SYNDIG1: variants seen among roughly 807,000 people sequenced by gnomAD.
SYNDIG1 encodes synapse differentiation inducing 1.
A neutral mutation model predicts 19.4 loss-of-function variants in SYNDIG1; 9 were observed. The observed-to-expected ratio is 0.46, with a 90% CI of 0.28 to 0.81. The LOEUF is 0.81. Among genes scored for constraint, SYNDIG1 ranks in the 30% least tolerant of loss-of-function variants. The pLI, the probability that SYNDIG1 is intolerant of heterozygous loss-of-function variation, is 0.12. For missense variants in SYNDIG1, 311 were observed against 343.3 expected, an observed-to-expected ratio of 0.91 and a Z score of 0.74; for synonymous variants, 141 against 145.9, an observed-to-expected ratio of 0.97 and a Z score of 0.24.
At chr20:24,645,030 G>A (rs1348448572) in intron 3 of SYNDIG1, among the ~76,000 whole-genome samples, 3 of 152,318 alleles carry the variant, frequency 2.0e-5, no homozygotes, top group Non-Finnish European at 4.4e-5. Context: ...GTTTGAAACC[G>A]GTCAGTCTGA....
intron 3 of SYNDIG1, among the ~76,000 whole-genome samples, chr20:24,661,353 G>GGGAAGAGGGACGAAA (rs2059585332): frequency 7.3e-6 from 1 of 136,314 alleles, no homozygotes; most frequent in African/African-American, 2.6e-5. Flanking sequence ...GAGGGAGAGA[G>GGGAAGAGGGACGAAA]GAGGGAGGGA....
intron 3 of SYNDIG1, 128 bp downstream of exon 3, chr20:24,585,121 T>C: frequency 2.4e-6 from 3 of 1,245,586 alleles, no homozygotes; most frequent in Non-Finnish European, 3.3e-6. Flanking sequence ...GGGTCGGCAC[T>C]TGCCCAGTTG....
At chr20:24,632,945 A>C (rs1237723781) in intron 3 of SYNDIG1, among the ~76,000 whole-genome samples, 1 of 151,724 alleles carries the variant, frequency 6.6e-6, no homozygotes, top group Non-Finnish European at 1.5e-5. Context: ...AGATTATGTG[A>C]AGTTTGTTTT....
intron 3 of SYNDIG1, among the ~76,000 whole-genome samples, chr20:24,586,742 C>T (rs989501678): frequency 6.6e-6 from 1 of 152,188 alleles, no homozygotes; most frequent in East Asian, 1.9e-4. Flanking sequence ...TGTAAAAGTG[C>T]CACAGAGTGC....
Position 24,514,244 on chromosome 20 carries a change from A to T in SYNDIG1, c.-78-28776A>T, listed in dbSNP as rs543722670. On this transcript the variant is annotated intron_variant, in intron 1 of 3. Coordinates refer to ENST00000376862, the MANE Select transcript of SYNDIG1 (RefSeq NM_024893.3). Reference sequence around the variant, plus strand: ...ACGAGCAAAATAACCAGCTAACATCATAAAGACAGGATCAAATTCACACAT... The same window carrying T: ...ACGAGCAAAATAACCAGCTAACATCTTAAAGACAGGATCAAATTCACACAT... 1.6e-4 allele frequency among the ~76,000 whole-genome samples: 24 copies of T among 152,356 alleles called. No homozygotes were observed. The South Asian group carries it at 3.7e-3, about 24-fold the overall frequency.
At chr20:24,544,175 G>A (rs1468075209) in intron 2 of SYNDIG1, among the ~76,000 whole-genome samples, 1 of 152,232 alleles carries the variant, frequency 6.6e-6, no homozygotes, top group Non-Finnish European at 1.5e-5. Context: ...CATGCACAGA[G>A]ATGTACACAC....
chr20:24,541,525 C>A (rs1312994462), intron 1 of SYNDIG1, among the ~76,000 whole-genome samples: 1 of 152,174 alleles, frequency 6.6e-6, no homozygotes. Flanking sequence ...TATAAGGAAG[C>A]AGGTGGAGCA....
At chr20:24,520,691 C>CT in intron 1 of SYNDIG1, among the ~76,000 whole-genome samples, 1 of 71,788 alleles carries the variant, frequency 1.4e-5, no homozygotes, top group Admixed American at 1.2e-4. Flanking sequence ...GAAACTCTGT[C>CT]TCAAAAAAAA....
rs527710798 is a variant in SYNDIG1 at position 24,534,135 on chromosome 20, C to T, written c.-78-8885C>T. Among the ~76,000 whole-genome samples the T allele has an allele frequency of 5.3e-5, 8 of 152,292 alleles. No individual in the cohort carries two copies. The South Asian group carries it at 1.7e-3, about 32-fold the overall frequency. ...CGAGAGCTTATTACCCTAGGGAGGGCACCTCGTTCCCGGCCCCACCTCCAA... is the reference window on the plus strand; with the variant it reads ...CGAGAGCTTATTACCCTAGGGAGGGTACCTCGTTCCCGGCCCCACCTCCAA... On this transcript the variant is annotated intron_variant, in intron 1 of 3. Transcript: ENST00000376862.
intron 2 of SYNDIG1, among the ~76,000 whole-genome samples, chr20:24,552,521 T>C (rs2057724695): frequency 6.6e-6 from 1 of 151,718 alleles, no homozygotes; most frequent in South Asian, 2.1e-4. Flanking sequence ...TGTGTTCTCA[T>C]TGTTCAATTC....
At chr20:24,610,109 A>G (rs1156860096) in intron 3 of SYNDIG1, among the ~76,000 whole-genome samples, 1 of 152,198 alleles carries the variant, frequency 6.6e-6, no homozygotes, top group Non-Finnish European at 1.5e-5. Context: ...TGGTGCTGCC[A>G]GGAATCCTAA....
intron 3 of SYNDIG1, among the ~76,000 whole-genome samples, chr20:24,645,444 T>C (rs933562410): frequency 1.3e-5 from 2 of 152,178 alleles, no homozygotes; most frequent in African/African-American, 2.4e-5. Context: ...GATGGCTGCA[T>C]TGGTGCCACA....
intron 3 of SYNDIG1, among the ~76,000 whole-genome samples, chr20:24,622,383 A>G (rs954109820): frequency 1.3e-5 from 2 of 152,240 alleles, no homozygotes; most frequent in Non-Finnish European, 2.9e-5. Flanking sequence ...GTGGAACAAT[A>G]CAAAATAGTG....
Position 24,658,116 on chromosome 20 carries a change from C to T in SYNDIG1, c.619-7230C>T, listed in dbSNP as rs898115623. Among the ~76,000 whole-genome samples the T allele has an allele frequency of 6.6e-6, 1 of 150,842 alleles. No homozygotes were observed. The highest frequency in any genetic ancestry group is 2.2e-4 in the South Asian group (1 of 4,504). ...CTGACTGCAGGAGAAACAATGCAGC[C>T]GGGGTAGACCTCAGAAAACGTCATG... On this transcript the variant is annotated intron_variant, in intron 3 of 3. Transcript: ENST00000376862. The surrounding 1 kb of genome is among the most constrained non-coding windows in gnomAD (Gnocchi z 4.4).
chr20:24,624,662 T>C (rs2059094173), intron 3 of SYNDIG1, among the ~76,000 whole-genome samples: 1 of 152,188 alleles, frequency 6.6e-6, no homozygotes. Flanking sequence ...ATATAAATCA[T>C]AAAAAATGAC....
In SYNDIG1 at chr20:24,584,523, C is replaced by T. The variant is rs1044052853; in HGVS notation, c.481-333C>T. On this transcript the variant is annotated intron_variant, in intron 2 of 3. Transcript: ENST00000376862. Reference sequence around the variant, plus strand: ...GCAGTCCCTGCAAAGTCCCCAGTCCCATCCTTTGTCCCCACCATCCAGGCA... The same window carrying T: ...GCAGTCCCTGCAAAGTCCCCAGTCCTATCCTTTGTCCCCACCATCCAGGCA... 9.8e-5 allele frequency among the ~76,000 whole-genome samples: 15 copies of T among 152,320 alleles called. No individual in the cohort carries two copies. In the East Asian group the frequency reaches 1.9e-3, roughly 20 times the overall value.
intron 3 of SYNDIG1, among the ~76,000 whole-genome samples, chr20:24,628,016 C>G (rs1409900968): frequency 6.6e-6 from 1 of 152,156 alleles, no homozygotes; most frequent in Non-Finnish European, 1.5e-5. Context: ...GTTAAATCAT[C>G]TTTGATTGTT....
chr20:24,489,120 C>G (rs2056060884), intron 1 of SYNDIG1, among the ~76,000 whole-genome samples: 1 of 152,154 alleles, frequency 6.6e-6, no homozygotes, highest in South Asian at 2.1e-4. Context: ...AATGTGGAGG[C>G]CACCTTCCCA....
chr20:24,613,031 A>T (rs1027785165), intron 3 of SYNDIG1, among the ~76,000 whole-genome samples: 1 of 152,204 alleles, frequency 6.6e-6, no homozygotes, highest in Admixed American at 6.5e-5. Flanking sequence ...TCTCTGGGAG[A>T]TGGCACCGTG....
Sources: allele counts gnomAD v4.1 joint callset (sites outside exome capture counted in the v4.1 genomes callset), GRCh38; gene constraint gnomAD v4.1.1; non-coding constraint Gnocchi (gnomAD v3.1); transcripts MANE v1.5; gene names NCBI Gene and HGNC (gene_info 2026-07-23, HGNC 2026-07-21).